POT1: variants seen among roughly 807,000 people sequenced by gnomAD.
The protein encoded by POT1 is protection of telomeres 1, also known as protection of telomeres protein 1.
POT1 carries 47 observed loss-of-function variants against 78.5 expected under a neutral mutation model. The observed-to-expected ratio is 0.60, with a 90% CI of 0.47 to 0.76. POT1 has a LOEUF of 0.76. Ranked by LOEUF, POT1 falls within the 30% of genes least tolerant of loss-of-function variation. The probability of loss-of-function intolerance (pLI) is 0.00; values close to 1 mark genes in which losing one functional copy is unlikely to be tolerated. For missense variants in POT1, 646 were observed against 749.9 expected (o/e 0.86, Z 1.62); for synonymous variants, 259 against 260.7 (o/e 0.99, Z 0.06).
At chr7:124,875,048 G>A (rs1263279264) in intron 6 of POT1, among the ~76,000 whole-genome samples, 1 of 151,996 alleles carries the variant, frequency 6.6e-6, no homozygotes, top group African/African-American at 2.4e-5. Context: ...TCCAGTTTTA[G>A]GTTTTAAGTT....
intron 3 of POT1, chr7:124,900,713 G>A (rs974732208): frequency 7.5e-5 from 17 of 226,300 alleles, no homozygotes; most frequent in African/African-American, 2.7e-4. Context: ...GCCTCACTGG[G>A]GAAGTGCAAG....
At chr7:124,904,230 C>T (rs559398784) in intron 3 of POT1, among the ~76,000 whole-genome samples, 4 of 152,274 alleles carry the variant, frequency 2.6e-5, no homozygotes, top group African/African-American at 7.2e-5. Flanking sequence ...GAATTTTAGA[C>T]CAATATCCCT....
At chr7:124,926,377 C>A (rs939350464) in intron 2 of POT1, among the ~76,000 whole-genome samples, 1 of 152,020 alleles carries the variant, frequency 6.6e-6, no homozygotes, top group African/African-American at 2.4e-5. Flanking sequence ...CAGATTAAAA[C>A]CACAATGAAA....
At chr7:124,838,517 G>A (rs1429998799) in intron 14 of POT1, among the ~76,000 whole-genome samples, 1 of 151,792 alleles carries the variant, frequency 6.6e-6, no homozygotes, top group Non-Finnish European at 1.5e-5. Context: ...AGGGATCTAA[G>A]AAGATCTACA....
chr7:124,846,294 C>T (rs1253656735), intron 12 of POT1, among the ~76,000 whole-genome samples: 1 of 152,070 alleles, frequency 6.6e-6, no homozygotes, highest in African/African-American at 2.4e-5. Flanking sequence ...ATAATGGTAC[C>T]TCCAATTACA....
chr7:124,848,871 A>G (rs1472508942), intron 11 of POT1, among the ~76,000 whole-genome samples: 2 of 152,114 alleles, frequency 1.3e-5, no homozygotes, highest in East Asian at 3.9e-4. Context: ...AAAATAGTAA[A>G]CTTATGAAAT....
At chr7:124,846,704 C>T (rs1357822466) in intron 12 of POT1, among the ~76,000 whole-genome samples, 1 of 149,178 alleles carries the variant, frequency 6.7e-6, no homozygotes, top group East Asian at 2.0e-4. Context: ...CTGTTTTAAA[C>T]ATTAAGTCTG....
intron 9 of POT1, among the ~76,000 whole-genome samples, chr7:124,856,700 G>C (rs952784470): frequency 2.0e-5 from 3 of 152,130 alleles, no homozygotes; most frequent in Admixed American, 6.6e-5. Context: ...GCAGTATAGG[G>C]AAAGAGAAGG....
intron 4 of POT1, among the ~76,000 whole-genome samples, chr7:124,898,053 A>T (rs1796535890): frequency 6.6e-6 from 1 of 152,006 alleles, no homozygotes. Context: ...GTATTTATTA[A>T]ATATAAAGGA....
intron 4 of POT1, 142 bp downstream of exon 4, chr7:124,898,118 AT>A (rs1282705704): frequency 6.6e-6 from 1 of 151,972 alleles, no homozygotes; most frequent in Non-Finnish European, 1.5e-5. Context: ...AAAAACTTCT[AT>A]TTTTTAAACT....
At chr7:124,827,326 C>A (rs1794655730) in intron 16 of POT1, 21 bp from the exon 17 acceptor site, 1 of 1,400,954 alleles carries the variant, frequency 7.1e-7, no homozygotes, top group Non-Finnish European at 1.0e-6. Context: ...AAAAAAAGAT[C>A]AAACCATATG....
chr7:124,876,595 CACTT>C (rs1033785853), intron 6 of POT1, among the ~76,000 whole-genome samples: 149 of 152,284 alleles, frequency 9.8e-4, no homozygotes, highest in Middle Eastern at 3.4e-3. Context: ...GTTATATCCT[CACTT>C]ACGCAATTTG....
Position 124,846,996 on chromosome 7 carries a change from A to G in POT1, c.952T>C (p.Ser318Pro). 1 of 1,603,024 alleles carries G rather than the reference A, an allele frequency of 6.2e-7. No homozygotes were observed. Among genetic ancestry groups the G allele is most frequent in the Non-Finnish European group, 8.5e-7 (1 of 1,170,656 alleles). Residue 318 changes from serine (S) to proline (P), a missense_variant and splice_region_variant, in exon 12 of 19, where the codon TCT becomes CCT. By Grantham distance (74) the Ser-to-Pro change is moderately conservative (BLOSUM62 -1). Coordinates refer to ENST00000357628, the MANE Select transcript of POT1 (RefSeq NM_015450.3). ...QSEPDDSFPS[S>P]GSVSLYEVER... is the part of the protein sequence containing the mutation. ...ACCTCGTATAATGATACTGATCCAGAGCCTATAAAAAGGAAAAGGCAAAAA... is the reference window on the plus strand; with the variant it reads ...ACCTCGTATAATGATACTGATCCAGGGCCTATAAAAAGGAAAAGGCAAAAA...
At chr7:124,909,663 A>G (rs1796844306) in intron 3 of POT1, among the ~76,000 whole-genome samples, 2 of 151,930 alleles carry the variant, frequency 1.3e-5, no homozygotes, top group African/African-American at 4.8e-5. Flanking sequence ...TCTGACAGGT[A>G]CTAATTAACT....
chr7:124,838,193 A>G (rs983470618), intron 14 of POT1, among the ~76,000 whole-genome samples: 63 of 152,146 alleles, frequency 4.1e-4, no homozygotes, highest in African/African-American at 1.5e-3. Flanking sequence ...GCCCTATCTA[A>G]TGCAGTAAGA....
At chr7:124,869,106 T>C (rs1795802283) in intron 7 of POT1, among the ~76,000 whole-genome samples, 1 of 152,170 alleles carries the variant, frequency 6.6e-6, no homozygotes, top group Admixed American at 6.5e-5. Flanking sequence ...ATCTTTACAT[T>C]CATTCACATT....
intron 14 of POT1, among the ~76,000 whole-genome samples, chr7:124,838,341 T>G (rs1794944631): frequency 6.6e-6 from 1 of 151,848 alleles, no homozygotes; most frequent in South Asian, 2.1e-4. Flanking sequence ...AAAAAAAAAA[T>G]CAATTGCTTC....
chr7:124,861,984 C>A (rs1795609246), intron 8 of POT1, among the ~76,000 whole-genome samples: 3 of 152,238 alleles, frequency 2.0e-5, no homozygotes, highest in South Asian at 4.1e-4. Flanking sequence ...GGTAGCAGTA[C>A]AATGCTTTTT....
At chr7:124,830,724 T>C (rs1794739053) in intron 15 of POT1, among the ~76,000 whole-genome samples, 2 of 152,120 alleles carry the variant, frequency 1.3e-5, no homozygotes, top group African/African-American at 4.8e-5. Context: ...TAAGCTTTTA[T>C]TTATGAGTGA....
Sources: allele counts gnomAD v4.1 joint callset (sites outside exome capture counted in the v4.1 genomes callset), GRCh38; gene constraint gnomAD v4.1.1; transcripts MANE v1.5; gene names NCBI Gene and HGNC (gene_info 2026-07-23, HGNC 2026-07-21).